GADL1: variants seen among roughly 807,000 people sequenced by gnomAD.
GADL1 encodes GAD like acidic amino acid decarboxylase 1, also known as acidic amino acid decarboxylase GADL1.
GADL1 carries 71 observed loss-of-function variants against 69.5 expected under a neutral mutation model. The ratio of observed to expected loss-of-function variants is 1.02; its 90% CI spans 0.84 to 1.25. The LOEUF (loss-of-function observed/expected upper bound fraction) is 1.25. Among genes scored for constraint, GADL1 ranks in the 50% most tolerant of loss-of-function variants. GADL1 has a pLI of 0.00. For synonymous variants in GADL1, 254 were observed against 214.4 expected (o/e 1.18, Z -1.62); for missense variants, 737 against 631.8 (o/e 1.17, Z -1.79).
chr3:30,733,581 C>A (rs535034443), intron 14 of GADL1, among the ~76,000 whole-genome samples: 49 of 146,922 alleles, frequency 3.3e-4, no homozygotes, highest in Non-Finnish European at 5.4e-4. Context: ...TTTTCTTTTC[C>A]TTTTCTCCTT....
chr3:30,749,673 C>A (rs1371530394), intron 14 of GADL1, among the ~76,000 whole-genome samples: 1 of 152,116 alleles, frequency 6.6e-6, no homozygotes, highest in Non-Finnish European at 1.5e-5. Flanking sequence ...AAGGTTTTTA[C>A]CTAGCAACAC....
chr3:30,752,237 G>A (rs1695839740), intron 14 of GADL1, among the ~76,000 whole-genome samples: 2 of 152,126 alleles, frequency 1.3e-5, no homozygotes, highest in Admixed American at 6.5e-5. Context: ...TTAAACTTAA[G>A]GGAGGCTAGA....
chr3:30,776,101 T>G (rs1696530786), intron 14 of GADL1, among the ~76,000 whole-genome samples: 1 of 152,102 alleles, frequency 6.6e-6, no homozygotes, highest in Non-Finnish European at 1.5e-5. Flanking sequence ...AAAAATGCAT[T>G]ATATTCTGTA....
chr3:30,754,267 G>T (rs935168486), intron 14 of GADL1, among the ~76,000 whole-genome samples: 2 of 152,132 alleles, frequency 1.3e-5, no homozygotes, highest in African/African-American at 4.8e-5. Flanking sequence ...TTCAAGATGT[G>T]TAAAGGAGAA....
At chr3:30,728,496 A>G in intron 14 of GADL1, 81 bp from the exon 15 acceptor site, 2 of 1,089,380 alleles carry the variant, frequency 1.8e-6, no homozygotes, top group Non-Finnish European at 2.7e-6. Flanking sequence ...GCCATTGGAC[A>G]TTTACTGGGC....
chr3:30,856,827 C>T (rs552923702), intron 3 of GADL1, among the ~76,000 whole-genome samples, 188 bp downstream of exon 3: 4 of 152,110 alleles, frequency 2.6e-5, no homozygotes, highest in South Asian at 4.1e-4. Flanking sequence ...TTCCTGTCAA[C>T]TTATCTTTGG....
At chr3:30,779,893 A>C (rs7612071) in intron 13 of GADL1, among the ~76,000 whole-genome samples, 81 of 152,162 alleles carry the variant, frequency 5.3e-4, no homozygotes, top group Middle Eastern at 6.8e-3. Context: ...CTGGAGAGAC[A>C]CTGGAGAAGG....
intron 14 of GADL1, among the ~76,000 whole-genome samples, chr3:30,740,225 T>C (rs1169105185): frequency 6.6e-6 from 1 of 152,204 alleles, no homozygotes; most frequent in African/African-American, 2.4e-5. Flanking sequence ...AAAAGGGCTC[T>C]GGTATTTAAA....
chr3:30,753,897 C>CTA (rs1473385719), intron 14 of GADL1, among the ~76,000 whole-genome samples: 1 of 152,162 alleles, frequency 6.6e-6, no homozygotes, highest in Non-Finnish European at 1.5e-5. Flanking sequence ...AATGAGGTAA[C>CTA]TAGACCATTG....
intron 14 of GADL1, among the ~76,000 whole-genome samples, chr3:30,751,819 G>C (rs1265688830): frequency 1.3e-5 from 2 of 152,118 alleles, no homozygotes; most frequent in Non-Finnish European, 2.9e-5. Flanking sequence ...CCCTTGGAAA[G>C]CTTTTTTTGT....
chr3:30,764,782 C>T (rs114400006), intron 14 of GADL1, among the ~76,000 whole-genome samples: 3 of 152,168 alleles, frequency 2.0e-5, no homozygotes, highest in African/African-American at 7.2e-5. Flanking sequence ...TGTCGGCTCA[C>T]CCCAGGTTGT....
intron 12 of GADL1, chr3:30,798,774 G>A (rs1466958045): frequency 1.3e-5 from 2 of 152,192 alleles, no homozygotes; most frequent in Non-Finnish European, 2.9e-5. Flanking sequence ...TCAAAAGCAG[G>A]CTAGTAACTT....
intron 14 of GADL1, among the ~76,000 whole-genome samples, chr3:30,777,823 C>T (rs1696570637): frequency 6.6e-6 from 1 of 152,136 alleles, no homozygotes; most frequent in Non-Finnish European, 1.5e-5. Context: ...ACATTATTTC[C>T]AAGTAAGGTG....
intron 11 of GADL1, among the ~76,000 whole-genome samples, chr3:30,813,498 A>G (rs141008875): frequency 1.2e-4 from 18 of 152,318 alleles, no homozygotes; most frequent in Middle Eastern, 3.4e-3. Context: ...AACAAAATCA[A>G]TCTATGTCCC....
At chr3:30,728,438 AG>A (rs1159846869) in intron 14 of GADL1, 23 bp from the exon 15 acceptor site, 13 of 1,603,586 alleles carry the variant, frequency 8.1e-6, no homozygotes, top group African/African-American at 1.3e-5. Flanking sequence ...AAAAGGGGAG[AG>A]GGGTGAAAGA....
At chr3:30,864,737 G>T (rs1698371591) in intron 1 of GADL1, among the ~76,000 whole-genome samples, 1 of 151,874 alleles carries the variant, frequency 6.6e-6, no homozygotes, top group Admixed American at 6.6e-5. Context: ...GTTTATAGTG[G>T]CTCTTAATGA....
In GADL1 at chr3:30,754,850, C is replaced by T. The variant is rs144666063; in HGVS notation, c.1392+23329G>A. Among the ~76,000 whole-genome samples, 5 of 128,820 alleles carry T rather than the reference C, an allele frequency of 3.9e-5. No individual in the cohort carries two copies. The East Asian group carries it at 9.8e-4, about 25-fold the overall frequency. The allele number at this position is 128,820 out of a possible 152,430, so 84.5% of individuals were successfully genotyped here. A position where few individuals can be genotyped will look rare whatever the true frequency, so the allele number is the denominator to read the frequency against. On this transcript the variant is annotated intron_variant, in intron 14 of 14. Transcript: ENST00000282538. Reference sequence around the variant, plus strand: ...CTGTTCTATGAGGGGGCAAAAACTGCAGGGCACTGATTTTTTTTCTGAAAG... The same window carrying T: ...CTGTTCTATGAGGGGGCAAAAACTGTAGGGCACTGATTTTTTTTCTGAAAG...
intron 2 of GADL1, 114 bp from the exon 3 acceptor site, chr3:30,857,255 A>G (rs560177206): frequency 1.2e-6 from 1 of 823,556 alleles, no homozygotes; most frequent in Non-Finnish European, 1.9e-6. Context: ...TGATTTAAAC[A>G]TGCAACTATA....
chr3:30,848,123 G>C (rs1358591170), intron 6 of GADL1, among the ~76,000 whole-genome samples: 2 of 152,138 alleles, frequency 1.3e-5, no homozygotes, highest in Non-Finnish European at 2.9e-5. Flanking sequence ...GAAACATCCA[G>C]GGCTGAAGCA....
Sources: gnomAD v4.1 joint callset for allele counts (sites outside exome capture counted in the v4.1 genomes callset) on GRCh38, gnomAD v4.1.1 for gene constraint, MANE v1.5 for transcripts, NCBI Gene and HGNC (gene_info 2026-07-23, HGNC 2026-07-21) for gene names.